STXBP5L: variants seen among roughly 807,000 people sequenced by gnomAD.
STXBP5L encodes the protein syntaxin-binding protein 5-like.
Under a neutral mutation model 144.5 loss-of-function variants are expected in STXBP5L, and 65 were observed. The observed-to-expected ratio is 0.45, with a 90% confidence interval of 0.37 to 0.55. The LOEUF is 0.55. STXBP5L is among the 20% of genes least tolerant of loss of function. The pLI is 0.00. For missense variants in STXBP5L, 1,298 were observed against 1,405.5 expected, an observed-to-expected ratio of 0.92 and a Z score of 1.22; for synonymous variants, 505 against 469.6, an observed-to-expected ratio of 1.08 and a Z score of -0.97.
intron 3 of STXBP5L, among the ~76,000 whole-genome samples, chr3:121,024,380 T>C (rs1215908977): frequency 6.6e-6 from 1 of 152,162 alleles, no homozygotes; most frequent in African/African-American, 2.4e-5. Flanking sequence ...TAGGAATTCT[T>C]TAGTCCTACC....
intron 19 of STXBP5L, among the ~76,000 whole-genome samples, chr3:121,285,056 G>A (rs950961208): frequency 1.3e-5 from 2 of 151,956 alleles, no homozygotes; most frequent in Non-Finnish European, 2.9e-5. Context: ...CTTTATTATA[G>A]TAGACACTGC....
intron 5 of STXBP5L, among the ~76,000 whole-genome samples, chr3:121,056,223 G>T (rs1354832710): frequency 6.6e-6 from 1 of 152,056 alleles, no homozygotes; most frequent in Non-Finnish European, 1.5e-5. Context: ...TCTGAGTAAT[G>T]AATAAAATAA....
chr3:121,220,250 T>C (rs562648565), intron 10 of STXBP5L, among the ~76,000 whole-genome samples: 1 of 152,250 alleles, frequency 6.6e-6, no homozygotes, highest in African/African-American at 2.4e-5. Context: ...GCCTAGCTTC[T>C]TTCACTCAGC....
intron 21 of STXBP5L, 59 bp downstream of exon 21, chr3:121,378,945 G>T: frequency 1.3e-6 from 2 of 1,528,070 alleles, no homozygotes; most frequent in Non-Finnish European, 1.8e-6. Context: ...CAATGGTAAT[G>T]GGAACAGAGA....
chr3:120,961,535 G>C (rs144061835), intron 3 of STXBP5L, among the ~76,000 whole-genome samples: 4 of 152,128 alleles, frequency 2.6e-5, no homozygotes, highest in African/African-American at 7.2e-5. Context: ...TTGGTTTTCT[G>C]TCCTTGCGAT....
At chr3:121,162,710 A>G (rs957246164) in intron 9 of STXBP5L, among the ~76,000 whole-genome samples, 45 of 152,192 alleles carry the variant, frequency 3.0e-4, no homozygotes, top group African/African-American at 1.1e-3. Context: ...CAAGGAATTT[A>G]AACACATTTA....
chr3:121,307,552 T>C (rs2043378451), intron 19 of STXBP5L, among the ~76,000 whole-genome samples: 1 of 152,018 alleles, frequency 6.6e-6, no homozygotes, highest in South Asian at 2.1e-4. Context: ...GTAGTGGGAC[T>C]CAACAGTAGA....
At chr3:121,209,575 A>C (rs139929231) in intron 10 of STXBP5L, among the ~76,000 whole-genome samples, 116,368 of 151,624 alleles carry the variant, frequency 0.77, 44,768 homozygotes, top group East Asian at 0.93. Flanking sequence ...AATGCTATCC[A>C]TCCCCTCTCC....
chr3:121,293,890 G>A (rs1303247000), intron 19 of STXBP5L, among the ~76,000 whole-genome samples: 4 of 152,006 alleles, frequency 2.6e-5, no homozygotes, highest in Non-Finnish European at 5.9e-5. Context: ...TAAAATAGAA[G>A]GTTCTAGGAT....
At chr3:121,251,794 G>A (rs2050034168) in intron 15 of STXBP5L, among the ~76,000 whole-genome samples, 1 of 152,088 alleles carries the variant, frequency 6.6e-6, no homozygotes, top group Non-Finnish European at 1.5e-5. Context: ...GAATATTGAT[G>A]ATACTCTTAG....
intron 13 of STXBP5L, 93 bp from the exon 14 acceptor site, chr3:121,240,343 TTAAG>T: frequency 1.7e-6 from 2 of 1,145,218 alleles, no homozygotes; most frequent in Non-Finnish European, 2.5e-6. Context: ...TTATTTTTCT[TTAAG>T]TGAGCTTTTT....
At chr3:121,403,280 A>G (rs2046924733) in intron 22 of STXBP5L, among the ~76,000 whole-genome samples, 1 of 152,154 alleles carries the variant, frequency 6.6e-6, no homozygotes, top group Admixed American at 6.5e-5. Flanking sequence ...AAGCAGGGAG[A>G]GCAGTGAAGA....
chr3:121,005,098 A>G (rs533858067), intron 3 of STXBP5L, among the ~76,000 whole-genome samples: 7 of 152,078 alleles, frequency 4.6e-5, no homozygotes, highest in East Asian at 3.9e-4. Flanking sequence ...CTCTATTTCT[A>G]TTGATTGGAA....
chr3:120,926,356 C>CTTTTTTTTTTTTTTT (rs35029446), intron 2 of STXBP5L, among the ~76,000 whole-genome samples: 1 of 139,740 alleles, frequency 7.2e-6, no homozygotes, highest in Non-Finnish European at 1.5e-5. Flanking sequence ...GATGGCAGTT[C>CTTTTTTTTTTTTTTT]TTTTTTTTTT....
At chr3:121,288,876 G>A (rs1419658374) in intron 19 of STXBP5L, among the ~76,000 whole-genome samples, 3 of 152,018 alleles carry the variant, frequency 2.0e-5, no homozygotes, top group Admixed American at 2.0e-4. Context: ...TGTTTTTGTT[G>A]TAATTGCTTT....
chr3:121,053,280 C>T (rs987868521), intron 5 of STXBP5L, among the ~76,000 whole-genome samples: 4 of 152,108 alleles, frequency 2.6e-5, no homozygotes, highest in African/African-American at 9.7e-5. Context: ...TCCCCCATTG[C>T]CAAGTCAATC....
At chr3:121,080,282 A>T (rs111492852) in intron 5 of STXBP5L, among the ~76,000 whole-genome samples, 2,880 of 152,180 alleles carry the variant, frequency 0.019, 90 homozygotes, top group African/African-American at 0.065. Flanking sequence ...TCATTCTGCC[A>T]TTCTGTATCT....
intron 3 of STXBP5L, among the ~76,000 whole-genome samples, chr3:121,000,079 G>A (rs545971566): frequency 6.6e-6 from 1 of 152,192 alleles, no homozygotes; most frequent in South Asian, 2.1e-4. Flanking sequence ...TCTGATGACT[G>A]TGTGTTTTGG....
intron 5 of STXBP5L, among the ~76,000 whole-genome samples, chr3:121,110,294 T>C (rs192975338): frequency 1.6e-4 from 25 of 152,322 alleles, no homozygotes; most frequent in Admixed American, 1.4e-3. Flanking sequence ...GTAGTTGCCT[T>C]ATAGAGTCAT....
Sources: allele counts gnomAD v4.1 joint callset (sites outside exome capture counted in the v4.1 genomes callset), GRCh38; gene constraint gnomAD v4.1.1; transcripts MANE v1.5; gene names NCBI Gene and HGNC (gene_info 2026-07-23, HGNC 2026-07-21).